BRINP2: variants seen among roughly 807,000 people sequenced by gnomAD.
BRINP2 encodes the protein BMP/retinoic acid inducible neural specific 2, also known as BMP/retinoic acid-inducible neural-specific protein 2.
Under a neutral mutation model 69.2 loss-of-function variants are expected in BRINP2, and 21 were observed. The observed-to-expected ratio is 0.30, with a 90% CI of 0.22 to 0.44. BRINP2 has a LOEUF of 0.44. BRINP2 is among the 20% of genes least tolerant of loss of function. The pLI is 1.00. For synonymous variants in BRINP2, 380 were observed against 394.1 expected, an observed-to-expected ratio of 0.96 and a Z score of 0.42; for missense variants, 877 against 986.0, an observed-to-expected ratio of 0.89 and a Z score of 1.48.
rs549234863 is a variant in BRINP2, at chr1:177,203,181, C to T, written c.-76-26620C>T. 1.6e-4 allele frequency among the ~76,000 whole-genome samples: 25 copies of T among 152,194 alleles called. No homozygotes were observed. In the South Asian group the frequency reaches 4.6e-3, roughly 28 times the overall value. The stretch of plus-strand genomic sequence containing the variant: ...GATGAGTTCATGTCCTTTGTAGGGA[C>T]GTGGATGAAGCTGGAAACCATCATT... On this transcript the variant is annotated intron_variant, in intron 1 of 7. Transcript: ENST00000361539.
intron 2 of BRINP2, among the ~76,000 whole-genome samples, chr1:177,239,337 A>C (rs1650126381): frequency 6.6e-6 from 1 of 152,238 alleles, no homozygotes; most frequent in Non-Finnish European, 1.5e-5. Flanking sequence ...CAAATTCTGT[A>C]TGTGTTGGTT....
At chr1:177,211,055 A>G (rs560680754) in intron 1 of BRINP2, among the ~76,000 whole-genome samples, 2 of 151,162 alleles carry the variant, frequency 1.3e-5, no homozygotes, top group Admixed American at 1.3e-4. Flanking sequence ...CTATTGCACC[A>G]CCCTGGATAC....
intron 1 of BRINP2, among the ~76,000 whole-genome samples, chr1:177,184,775 C>A (rs1378554334): frequency 1.3e-5 from 2 of 152,052 alleles, no homozygotes; most frequent in Admixed American, 6.6e-5. Context: ...CCCCACCACA[C>A]CCATTTCCAT....
At chr1:177,250,850 T>A (rs1368362594) in intron 2 of BRINP2, among the ~76,000 whole-genome samples, 2 of 152,208 alleles carry the variant, frequency 1.3e-5, no homozygotes, top group Non-Finnish European at 2.9e-5. Flanking sequence ...AATCCTGACC[T>A]TGCCACCTAC....
chr1:177,223,865 G>T (rs1386101058), intron 1 of BRINP2, among the ~76,000 whole-genome samples: 1 of 152,100 alleles, frequency 6.6e-6, no homozygotes, highest in Non-Finnish European at 1.5e-5. Context: ...GAATCCTGGA[G>T]CCTGGGGAGG....
At chr1:177,235,896 C>A (rs897728441) in intron 2 of BRINP2, among the ~76,000 whole-genome samples, 6 of 152,176 alleles carry the variant, frequency 3.9e-5, no homozygotes, top group African/African-American at 4.8e-5. Flanking sequence ...GCATAAACCA[C>A]CAGGCCCAAA....
At position 177,209,222 on chromosome 1, in the gene BRINP2, A is replaced by C. The variant is rs139014837; in HGVS notation, c.-76-20579A>C. Among the ~76,000 whole-genome samples, 376 of 152,214 alleles carry C rather than the reference A, an allele frequency of 2.5e-3. 1 individual carries two copies. The highest frequency in any genetic ancestry group is 8.8e-3 in the African/African-American group (364 of 41,544). ...TTCTAAGTTAGGATATTTAAAAAAAAAAAAGAAAAAGAAAAAAAGATCTGA... is the reference window on the plus strand; with the variant it reads ...TTCTAAGTTAGGATATTTAAAAAAACAAAAGAAAAAGAAAAAAAGATCTGA... On this transcript the variant is annotated intron_variant, in intron 1 of 7. Transcript: ENST00000361539.
At chr1:177,278,157 C>T (rs976007218) in intron 6 of BRINP2, among the ~76,000 whole-genome samples, 2 of 152,010 alleles carry the variant, frequency 1.3e-5, no homozygotes, top group African/African-American at 2.4e-5. Flanking sequence ...TCATGAGGGC[C>T]CCACATGTTC....
chr1:177,268,424 G>T (rs544345504), intron 4 of BRINP2, among the ~76,000 whole-genome samples: 32 of 152,258 alleles, frequency 2.1e-4, no homozygotes, highest in African/African-American at 6.5e-4. Context: ...GGGGTATTCT[G>T]CTTACCTACT....
chr1:177,251,619 ACTAG>A (rs1157129158), intron 2 of BRINP2, among the ~76,000 whole-genome samples: 1 of 152,166 alleles, frequency 6.6e-6, no homozygotes, highest in African/African-American at 2.4e-5. Context: ...GGGCCAGGAC[ACTAG>A]CTTTTTGTTC....
chr1:177,183,499 C>A (rs1037549691), intron 1 of BRINP2, among the ~76,000 whole-genome samples: 2 of 152,060 alleles, frequency 1.3e-5, no homozygotes, highest in African/African-American at 4.8e-5. Flanking sequence ...ATCTGCCCCA[C>A]GTAGGAGAGG....
chr1:177,262,366 G>T (rs533918331), intron 4 of BRINP2, among the ~76,000 whole-genome samples: 3 of 152,022 alleles, frequency 2.0e-5, no homozygotes, highest in Non-Finnish European at 4.4e-5. Flanking sequence ...ACAAAAATTA[G>T]CTGGGCAAGG....
chr1:177,185,908 T>C (rs993760452), intron 1 of BRINP2, among the ~76,000 whole-genome samples: 1 of 152,166 alleles, frequency 6.6e-6, no homozygotes, highest in Admixed American at 6.5e-5. Context: ...AGCTATGCTG[T>C]CCCAATGCCG....
rs1282101304 is a variant in BRINP2, at chr1:177,181,345, G to A, written c.-77+9613G>A. Among the ~76,000 whole-genome samples the A allele has an allele frequency of 3.3e-5, 5 of 152,146 alleles. No individual in the cohort carries two copies. In the East Asian group the frequency reaches 9.7e-4, roughly 29 times the overall value. ...CAGGTCTCCCAGAACGAAGGCAGCG[G>A]TCCTCCCTCGCGGGGAGCCCCAGCT... On this transcript the variant is annotated intron_variant, in intron 1 of 7. Coordinates refer to ENST00000361539, the MANE Select transcript of BRINP2 (RefSeq NM_021165.4).
intron 1 of BRINP2, among the ~76,000 whole-genome samples, chr1:177,204,435 A>C (rs754279454): frequency 1.3e-5 from 2 of 151,916 alleles, no homozygotes; most frequent in Non-Finnish European, 2.9e-5. Context: ...CTCCAATTGA[A>C]TGACTTGATG....
intron 2 of BRINP2, among the ~76,000 whole-genome samples, chr1:177,236,096 G>A (rs1650014433): frequency 6.6e-6 from 1 of 152,178 alleles, no homozygotes; most frequent in Non-Finnish European, 1.5e-5. Context: ...CAGTCCACAG[G>A]GGTGAGAAGG....
intron 1 of BRINP2, among the ~76,000 whole-genome samples, chr1:177,199,766 A>T (rs574830912): frequency 5.9e-5 from 9 of 152,306 alleles, no homozygotes; most frequent in African/African-American, 9.6e-5. Context: ...AAGACTTTTT[A>T]AAAAATGCAC....
intron 1 of BRINP2, among the ~76,000 whole-genome samples, chr1:177,181,496 T>C (rs1239602900): frequency 6.6e-6 from 1 of 152,148 alleles, no homozygotes; most frequent in African/African-American, 2.4e-5. Flanking sequence ...CGGAGACTCC[T>C]GCTAGGCTGT....
intron 1 of BRINP2, among the ~76,000 whole-genome samples, chr1:177,201,667 C>T (rs891094813): frequency 2.0e-5 from 3 of 152,168 alleles, no homozygotes; most frequent in Non-Finnish European, 2.9e-5. Context: ...ATTGATACAC[C>T]TTGATCTCAT....
Sources: gnomAD v4.1 joint callset for allele counts (sites outside exome capture counted in the v4.1 genomes callset) on GRCh38, gnomAD v4.1.1 for gene constraint, MANE v1.5 for transcripts, NCBI Gene and HGNC (gene_info 2026-07-23, HGNC 2026-07-21) for gene names.